Variants in RNF214 observed in about 807,000 individuals in gnomAD.
RNF214 encodes ring finger protein 214.
Under a neutral mutation model 75.9 loss-of-function variants are expected in RNF214, and 25 were observed. That is an observed-to-expected ratio of 0.33 (90% CI 0.24 to 0.46). The LOEUF is 0.46. Ranked by LOEUF, RNF214 falls within the 20% of genes least tolerant of loss-of-function variation. The pLI, the probability that RNF214 is intolerant of heterozygous loss-of-function variation, is 1.00. For synonymous variants in RNF214, 314 were observed against 308.8 expected (o/e 1.02, Z -0.18); for missense variants, 725 against 857.5 (o/e 0.85, Z 1.93).
At chr11:117,259,870 A>G (rs1211169345) in intron 6 of RNF214, among the ~76,000 whole-genome samples, 1 of 152,134 alleles carries the variant, frequency 6.6e-6, no homozygotes, top group Non-Finnish European at 1.5e-5. Flanking sequence ...CTGCCCTCTT[A>G]CATGACTGTT....
intron 6 of RNF214, among the ~76,000 whole-genome samples, chr11:117,278,768 C>A (rs1157965268): frequency 6.6e-6 from 1 of 152,102 alleles, no homozygotes; most frequent in South Asian, 2.1e-4. Context: ...TGCTTAGTAG[C>A]GAATTAGTGA....
rs2033015584 is a variant in RNF214 at position 117,239,595 on chromosome 11, G to T, written c.619-206G>T. ...TTCTCTCAGTCAGTCATTGGGTCTT[G>T]TTTGGGTTATTTTGTGGGACCGATG... On this transcript the variant is annotated intron_variant, in intron 3 of 14. Transcript: ENST00000300650. 7.1e-6 allele frequency: 4 copies of T among 565,116 alleles called. No individual in the cohort carries two copies. In the South Asian group the frequency reaches 7.9e-5, roughly 11 times the overall value. 35.0% of individuals were successfully genotyped at this position (565,116 alleles called of 1,614,324 possible). A position where few individuals can be genotyped will look rare whatever the true frequency, so the allele number is the denominator to read the frequency against.
intron 2 of RNF214, among the ~76,000 whole-genome samples, chr11:117,236,814 T>C (rs150422829): frequency 2.2e-3 from 331 of 152,328 alleles, no homozygotes; most frequent in African/African-American, 7.7e-3. Context: ...CTAGTAATAA[T>C]GGCAGCTAAG....
chr11:117,279,874 T>C (rs2034092598), intron 6 of RNF214, 34 bp from the exon 7 acceptor site: 1 of 1,523,416 alleles, frequency 6.6e-7, no homozygotes, highest in Non-Finnish European at 9.0e-7. Flanking sequence ...TTATCTTTCT[T>C]CCTTAGTCTT....
At position 117,262,684 on chromosome 11, in the gene RNF214, TTGTC is replaced by T. The variant is rs1236238122; in HGVS notation, c.959+15740_959+15743del. On this transcript the variant is annotated intron_variant, in intron 6 of 14. Coordinates refer to ENST00000300650, the MANE Select transcript of RNF214 (RefSeq NM_207343.4). ...AGCGTGAGCTACCATGCCTGGCCCTTTGTCTGTGTTTATTGAGGAACGTTGTGTG... is the reference window on the plus strand; with the variant it reads ...AGCGTGAGCTACCATGCCTGGCCCTTTGTGTTTATTGAGGAACGTTGTGTG... Among the ~76,000 whole-genome samples the T allele has an allele frequency of 6.0e-5, 9 of 149,092 alleles. No individual in the cohort carries two copies. The South Asian group carries it at 8.7e-4, about 14-fold the overall frequency.
rs200669739 is a variant in RNF214, at chr11:117,277,745, G to T, written c.960-2163G>T. ...CCAGCACTTTGGGAGGCTGAGGTGG[G>T]TGGATCACCTGAGGTTAGGAGTTCG... On this transcript the variant is annotated intron_variant, in intron 6 of 14. Transcript: ENST00000300650. Among the ~76,000 whole-genome samples the T allele has an allele frequency of 2.6e-4, 40 of 152,296 alleles. No homozygotes were observed. In the East Asian group the frequency reaches 7.0e-3, roughly 26 times the overall value.
intron 6 of RNF214, among the ~76,000 whole-genome samples, chr11:117,254,397 G>T (rs532556419): frequency 6.6e-6 from 1 of 152,112 alleles, no homozygotes; most frequent in Admixed American, 6.5e-5. Flanking sequence ...TTTACACTTT[G>T]ACCGTATCAA....
At chr11:117,234,244 G>T (rs2032836893) in intron 1 of RNF214, 23 bp from the exon 2 acceptor site, 3 of 1,558,804 alleles carry the variant, frequency 1.9e-6, no homozygotes, top group Admixed American at 1.7e-5. Context: ...CTTGTAGCCT[G>T]TAATTTGTTT....
intron 4 of RNF214, among the ~76,000 whole-genome samples, chr11:117,241,439 G>GT (rs2033077424): frequency 6.6e-6 from 1 of 152,040 alleles, no homozygotes; most frequent in African/African-American, 2.4e-5. Flanking sequence ...AATTAGCTGG[G>GT]TGTGGTGGCG....
chr11:117,271,155 C>T (rs545294364), intron 6 of RNF214, among the ~76,000 whole-genome samples: 12 of 152,330 alleles, frequency 7.9e-5, no homozygotes, highest in African/African-American at 2.9e-4. Flanking sequence ...CTGCCTCAGC[C>T]TCCCAAAGTG....
intron 6 of RNF214, among the ~76,000 whole-genome samples, chr11:117,254,121 C>T (rs373773048): frequency 1.4e-4 from 21 of 152,098 alleles, no homozygotes; most frequent in African/African-American, 3.1e-4. Flanking sequence ...TGGTAGTGGC[C>T]GCCTGTAGTC....
intron 6 of RNF214, among the ~76,000 whole-genome samples, chr11:117,275,844 TC>T (rs1403132929): frequency 6.6e-6 from 1 of 152,120 alleles, no homozygotes; most frequent in African/African-American, 2.4e-5. Context: ...CTGGAACTAT[TC>T]CAGAAGATCA....
intron 6 of RNF214, among the ~76,000 whole-genome samples, chr11:117,276,721 G>A (rs1388887224): frequency 1.3e-5 from 2 of 152,200 alleles, no homozygotes; most frequent in Non-Finnish European, 2.9e-5. Flanking sequence ...TTTTTTGTTT[G>A]TGAATATGTG....
intron 6 of RNF214, among the ~76,000 whole-genome samples, chr11:117,256,249 C>G (rs2033519818): frequency 6.6e-6 from 1 of 152,166 alleles, no homozygotes; most frequent in African/African-American, 2.4e-5. Flanking sequence ...TACTTAACTG[C>G]TTTCACCATT....
intron 6 of RNF214, among the ~76,000 whole-genome samples, chr11:117,270,241 CTT>C (rs57144374): frequency 2.0e-4 from 15 of 75,862 alleles, no homozygotes; most frequent in African/African-American, 7.9e-4. Context: ...CTTTTCTTTT[CTT>C]TTTTTTTTTT....
intron 6 of RNF214, among the ~76,000 whole-genome samples, chr11:117,266,424 A>G (rs142078903): frequency 7.8e-4 from 118 of 151,984 alleles, no homozygotes; most frequent in African/African-American, 2.3e-3. Flanking sequence ...CAGTGGTGCA[A>G]TCTTGGCTCA....
intron 6 of RNF214, among the ~76,000 whole-genome samples, chr11:117,274,759 C>T (rs1212344388): frequency 6.6e-6 from 1 of 151,196 alleles, no homozygotes; most frequent in Non-Finnish European, 1.5e-5. Flanking sequence ...ACTGCAACCT[C>T]CGCTTCCCGG....
At chr11:117,269,972 C>T (rs1181200525) in intron 6 of RNF214, among the ~76,000 whole-genome samples, 1 of 152,116 alleles carries the variant, frequency 6.6e-6, no homozygotes, top group East Asian at 1.9e-4. Flanking sequence ...AAAGTCTTAC[C>T]TGGACGTGTT....
At chr11:117,234,700 A>G (rs968528564) in intron 2 of RNF214, among the ~76,000 whole-genome samples, 5 of 152,258 alleles carry the variant, frequency 3.3e-5, no homozygotes, top group Non-Finnish European at 7.3e-5. Flanking sequence ...GAGAAATGTT[A>G]TATCAGTATG....
Sources: allele counts gnomAD v4.1 joint callset (sites outside exome capture counted in the v4.1 genomes callset), GRCh38; gene constraint gnomAD v4.1.1; transcripts MANE v1.5; gene names NCBI Gene and HGNC (gene_info 2026-07-23, HGNC 2026-07-21).